CSMD1: variants seen among roughly 807,000 people sequenced by gnomAD.
CSMD1 encodes the protein CUB and Sushi multiple domains 1.
In CSMD1, 213 loss-of-function variants were observed where a neutral mutation model predicts 417.5. That is an observed-to-expected ratio of 0.51 (90% CI 0.46 to 0.57). The LOEUF (loss-of-function observed/expected upper bound fraction) is 0.57, where lower values mean the gene tolerates loss of function less well. CSMD1 is among the 20% of genes least tolerant of loss of function. The pLI is 0.00. For synonymous variants in CSMD1, 2,862 were observed against 1,736.8 expected (o/e 1.65, Z -16.11); for missense variants, 6,923 against 4,529.7 (o/e 1.53, Z -15.17).
At chr8:4,612,176 G>T (rs1390218291) in intron 2 of CSMD1, among the ~76,000 whole-genome samples, 3 of 152,028 alleles carry the variant, frequency 2.0e-5, no homozygotes, top group African/African-American at 7.2e-5. Context: ...CTTGAACGCT[G>T]AGTGCTAAAA....
intron 1 of CSMD1, among the ~76,000 whole-genome samples, chr8:4,990,187 C>T (rs969743403): frequency 6.6e-6 from 1 of 152,122 alleles, no homozygotes; most frequent in Non-Finnish European, 1.5e-5. Context: ...CTGTCACTTC[C>T]GAAGAAAGAC....
chr8:4,342,198 GC>G (rs1471393847), intron 3 of CSMD1, among the ~76,000 whole-genome samples: 1 of 119,768 alleles, frequency 8.3e-6, no homozygotes, highest in Admixed American at 9.8e-5. Flanking sequence ...TGGCAGCAGT[GC>G]TGTGTCTGTG....
In CSMD1 at chr8:3,084,576, G is replaced by A. The variant is rs573072905; in HGVS notation, c.7474+2521C>T. Among the ~76,000 whole-genome samples the A allele has an allele frequency of 1.3e-5, 2 of 149,648 alleles. 1 individual carries two copies. Among genetic ancestry groups the A allele is most frequent in the East Asian group, 3.9e-4 (2 of 5,116 alleles). On this transcript the variant is annotated intron_variant, in intron 49 of 69. Coordinates refer to ENST00000635120, the MANE Select transcript of CSMD1 (RefSeq NM_033225.6). Reference sequence around the variant, plus strand: ...TCTAAAAGTAACAAAAGGAAAGTGTGTAATTAATACTAAACAAATAAAATC... The same window carrying A: ...TCTAAAAGTAACAAAAGGAAAGTGTATAATTAATACTAAACAAATAAAATC...
intron 29 of CSMD1, among the ~76,000 whole-genome samples, chr8:3,215,544 T>G (rs973760005): frequency 1.3e-5 from 2 of 152,238 alleles, no homozygotes; most frequent in Non-Finnish European, 2.9e-5. Flanking sequence ...TGCAGAGACC[T>G]GCCCACTTCT....
intron 17 of CSMD1, among the ~76,000 whole-genome samples, chr8:3,390,336 C>G (rs1301860781): frequency 9.2e-6 from 1 of 108,112 alleles, no homozygotes; most frequent in Non-Finnish European, 1.7e-5. Context: ...GCCTGGGCGA[C>G]AGAGCAAGAC....
chr8:3,948,842 G>C (rs1410757294), intron 5 of CSMD1, among the ~76,000 whole-genome samples: 3 of 152,054 alleles, frequency 2.0e-5, no homozygotes, highest in Non-Finnish European at 4.4e-5. Context: ...TTTGCAAGGG[G>C]TATCCAATTT....
intron 5 of CSMD1, among the ~76,000 whole-genome samples, chr8:3,781,594 C>G (rs1799185272): frequency 6.6e-6 from 1 of 152,178 alleles, no homozygotes; most frequent in South Asian, 2.1e-4. Context: ...TCAGTGTACT[C>G]TGTCCCACAG....
At chr8:3,742,811 C>A (rs186927115) in intron 6 of CSMD1, among the ~76,000 whole-genome samples, 1 of 152,318 alleles carries the variant, frequency 6.6e-6, no homozygotes, top group East Asian at 1.9e-4. Flanking sequence ...AAACAGAGAA[C>A]TCCTCATATA....
At chr8:4,306,968 G>T (rs1010437516) in intron 3 of CSMD1, among the ~76,000 whole-genome samples, 1 of 152,120 alleles carries the variant, frequency 6.6e-6, no homozygotes, top group Non-Finnish European at 1.5e-5. Context: ...GCATCTCTCA[G>T]ATCGACTGTC....
chr8:3,287,521 C>A (rs923612556), intron 25 of CSMD1, among the ~76,000 whole-genome samples: 2 of 152,056 alleles, frequency 1.3e-5, no homozygotes, highest in Non-Finnish European at 2.9e-5. Context: ...CCTTCACATC[C>A]CTTGTAAGTT....
rs749135680 is a variant in CSMD1, at chr8:3,377,739, A to G, written c.2783-8369T>C. Among the ~76,000 whole-genome samples, 36 of 151,942 alleles carry G rather than the reference A, an allele frequency of 2.4e-4. 1 individual carries two copies. The highest frequency in any genetic ancestry group is 4.7e-4 in the Non-Finnish European group (32 of 68,030). On this transcript the variant is annotated intron_variant, in intron 18 of 69. Transcript: ENST00000635120. The stretch of plus-strand genomic sequence containing the variant: ...CATGCTGGCTACTTTGGGAAATCCT[A>G]CCCAAAACGGAAACACCAGGTTAAG...
intron 23 of CSMD1, among the ~76,000 whole-genome samples, chr8:3,336,559 T>G (rs753794851): frequency 1.1e-4 from 16 of 152,044 alleles, no homozygotes; most frequent in Non-Finnish European, 1.9e-4. Context: ...TTGAACAGAG[T>G]AAGGAACTAG....
intron 5 of CSMD1, among the ~76,000 whole-genome samples, chr8:3,915,852 T>G (rs1808783811): frequency 6.7e-6 from 1 of 148,868 alleles, no homozygotes; most frequent in African/African-American, 2.5e-5. Flanking sequence ...TCACCCCAAC[T>G]AGAAACTTTT....
At chr8:3,703,436 T>A (rs1203246845) in intron 7 of CSMD1, among the ~76,000 whole-genome samples, 1 of 149,812 alleles carries the variant, frequency 6.7e-6, no homozygotes, top group African/African-American at 2.5e-5. Flanking sequence ...CTTTCTCCCT[T>A]TTCATTCATT....
At chr8:4,951,760 C>G (rs767100116) in intron 1 of CSMD1, among the ~76,000 whole-genome samples, 6 of 151,654 alleles carry the variant, frequency 4.0e-5, no homozygotes, top group African/African-American at 1.5e-4. Flanking sequence ...TCCACCCACA[C>G]CCCCTACCTT....
intron 1 of CSMD1, among the ~76,000 whole-genome samples, chr8:4,810,511 A>G (rs888712009): frequency 1.3e-5 from 2 of 151,944 alleles, no homozygotes; most frequent in African/African-American, 4.8e-5. Flanking sequence ...TGTCTGTAAC[A>G]CTTAGTAAAA....
intron 37 of CSMD1, among the ~76,000 whole-genome samples, chr8:3,175,999 C>A (rs563597999): frequency 1.9e-4 from 29 of 152,126 alleles, no homozygotes; most frequent in Middle Eastern, 3.4e-3. Context: ...TTCAAACATA[C>A]CAATTAGGTT....
chr8:3,472,645 C>A (rs574102081), intron 11 of CSMD1, among the ~76,000 whole-genome samples: 3 of 152,056 alleles, frequency 2.0e-5, no homozygotes, highest in East Asian at 3.9e-4. Flanking sequence ...CATTTTTTTC[C>A]TGAATTATAG....
At chr8:3,774,243 T>A (rs971416852) in intron 5 of CSMD1, among the ~76,000 whole-genome samples, 6 of 152,186 alleles carry the variant, frequency 3.9e-5, no homozygotes, top group Non-Finnish European at 7.3e-5. Flanking sequence ...AAATGCCACT[T>A]GCTCTGTAAA....
Sources: allele counts gnomAD v4.1 joint callset (sites outside exome capture counted in the v4.1 genomes callset), GRCh38; gene constraint gnomAD v4.1.1; transcripts MANE v1.5; gene names NCBI Gene and HGNC (gene_info 2026-07-23, HGNC 2026-07-21).